The following JARID2 variants were observed in gnomAD, a reference collection of about 807,000 sequenced individuals.
JARID2 encodes protein Jumonji.
JARID2 carries 21 observed loss-of-function variants against 125.6 expected under a neutral mutation model. The observed-to-expected ratio is 0.17, with a 90% CI of 0.12 to 0.24. The LOEUF (loss-of-function observed/expected upper bound fraction) is 0.24, where lower values mean the gene tolerates loss of function less well. Among genes scored for constraint, JARID2 ranks in the 10% least tolerant of loss-of-function variants. JARID2 has a pLI of 1.00. For missense variants in JARID2, 1,303 were observed against 1,639.6 expected (o/e 0.79, Z 3.55); for synonymous variants, 736 against 661.6 (o/e 1.11, Z -1.73).
chr6:15,389,958 A>G (rs1764936121), intron 2 of JARID2, among the ~76,000 whole-genome samples: 1 of 152,180 alleles, frequency 6.6e-6, no homozygotes. Context: ...TTAACTGGAG[A>G]GACTTTTTTC....
intron 2 of JARID2, among the ~76,000 whole-genome samples, chr6:15,381,227 C>T (rs12665292): frequency 0.15 from 22,405 of 148,022 alleles, 1,722 homozygotes; most frequent in East Asian, 0.18. Context: ...GGCGTGGTGG[C>T]GGGTGCCTGT....
At chr6:15,333,629 GACA>G (rs1365176264) in intron 1 of JARID2, among the ~76,000 whole-genome samples, 8 of 152,172 alleles carry the variant, frequency 5.3e-5, no homozygotes, top group East Asian at 1.9e-4. Flanking sequence ...CGGTGGCACT[GACA>G]ACATTTGCAG....
chr6:15,448,262 C>T (rs890571641), intron 3 of JARID2, among the ~76,000 whole-genome samples: 1 of 152,086 alleles, frequency 6.6e-6, no homozygotes, highest in Admixed American at 6.5e-5. Flanking sequence ...TTTTCATAGC[C>T]TCACTGGGAA....
intron 4 of JARID2, among the ~76,000 whole-genome samples, chr6:15,457,682 G>A (rs1768250933): frequency 6.7e-6 from 1 of 149,640 alleles, no homozygotes; most frequent in African/African-American, 2.5e-5. Flanking sequence ...ATTTGGAAGA[G>A]AATAAATCGT....
At chr6:15,309,299 CTG>C (rs1453579747) in intron 1 of JARID2, among the ~76,000 whole-genome samples, 1 of 151,906 alleles carries the variant, frequency 6.6e-6, no homozygotes, top group African/African-American at 2.4e-5. Flanking sequence ...TATGTGGAGA[CTG>C]TGTTAGTGTC....
At chr6:15,501,801 G>A (rs1348615489) in intron 8 of JARID2, among the ~76,000 whole-genome samples, 4 of 152,136 alleles carry the variant, frequency 2.6e-5, no homozygotes, top group Admixed American at 6.5e-5. Flanking sequence ...ACTGGCTTGC[G>A]TGTGCGTGTT....
chr6:15,461,565 A>G (rs556300424), intron 4 of JARID2, among the ~76,000 whole-genome samples: 5 of 152,224 alleles, frequency 3.3e-5, no homozygotes, highest in Admixed American at 3.3e-4. Context: ...TTCATTTTGC[A>G]TTTTCATCCC....
At chr6:15,253,226 G>A (rs954925209) in intron 1 of JARID2, among the ~76,000 whole-genome samples, 1 of 151,952 alleles carries the variant, frequency 6.6e-6, no homozygotes, top group Non-Finnish European at 1.5e-5. Flanking sequence ...CACCACACCC[G>A]GCTCATTTTT....
At chr6:15,397,269 A>C (rs1012505564) in intron 2 of JARID2, among the ~76,000 whole-genome samples, 1 of 152,206 alleles carries the variant, frequency 6.6e-6, no homozygotes, top group African/African-American at 2.4e-5. Context: ...GATATGGTCA[A>C]TACTACGTAA....
chr6:15,434,022 C>T (rs1381333026), intron 3 of JARID2, among the ~76,000 whole-genome samples: 1 of 151,100 alleles, frequency 6.6e-6, no homozygotes, highest in African/African-American at 2.4e-5. Flanking sequence ...ACTTTACTTT[C>T]CCTGGTTTCA....
intron 5 of JARID2, among the ~76,000 whole-genome samples, chr6:15,473,736 T>G (rs1581615186): frequency 6.6e-6 from 1 of 152,334 alleles, no homozygotes; most frequent in East Asian, 1.9e-4. Flanking sequence ...AGCCACTACC[T>G]GGGATATAGG....
At chr6:15,446,683 T>C (rs1045527519) in intron 3 of JARID2, among the ~76,000 whole-genome samples, 7 of 152,180 alleles carry the variant, frequency 4.6e-5, no homozygotes, top group African/African-American at 7.2e-5. Flanking sequence ...CCGTAAATGG[T>C]CATTCATTTT....
intron 14 of JARID2, 138 bp from the exon 15 acceptor site, chr6:15,512,777 G>GT: frequency 1.1e-6 from 1 of 930,640 alleles, no homozygotes; most frequent in Non-Finnish European, 1.6e-6. Flanking sequence ...GGGAGGCAAA[G>GT]TTTTGAAGAG....
chr6:15,249,002 C>T (rs1023373165), intron 1 of JARID2: 1 of 969,726 alleles, frequency 1.0e-6, no homozygotes, highest in African/African-American at 1.8e-5. Context: ...AAAGGAGTGC[C>T]ACTGGACCCT....
chr6:15,361,619 C>CT (rs925433261), intron 1 of JARID2, among the ~76,000 whole-genome samples: 20 of 151,060 alleles, frequency 1.3e-4, no homozygotes, highest in African/African-American at 2.7e-4. Flanking sequence ...GCCATACCAC[C>CT]TTTTTTTTTG....
At chr6:15,493,399 G>A (rs772470985) in intron 6 of JARID2, among the ~76,000 whole-genome samples, 10 of 152,184 alleles carry the variant, frequency 6.6e-5, no homozygotes, top group Non-Finnish European at 1.5e-4. Context: ...GCAAGTAGTG[G>A]TGGCTGATGC....
chr6:15,426,071 G>C (rs759204326), intron 3 of JARID2, among the ~76,000 whole-genome samples: 4 of 152,160 alleles, frequency 2.6e-5, no homozygotes, highest in Admixed American at 1.3e-4. Flanking sequence ...TGGTAGCTGG[G>C]TGCAGTGCAG....
intron 1 of JARID2, among the ~76,000 whole-genome samples, chr6:15,249,139 C>T (rs1446470508): frequency 2.0e-5 from 3 of 152,222 alleles, no homozygotes; most frequent in African/African-American, 7.2e-5. Context: ...TGTGTCCCCT[C>T]TCCAGTGCTT....
intron 1 of JARID2, among the ~76,000 whole-genome samples, chr6:15,329,326 G>A (rs371059185): frequency 1.3e-5 from 2 of 152,048 alleles, no homozygotes; most frequent in African/African-American, 2.4e-5. Context: ...GTTGGGGAGG[G>A]ATGGGCCTGG....
Sources: allele counts gnomAD v4.1 joint callset (sites outside exome capture counted in the v4.1 genomes callset), GRCh38; gene constraint gnomAD v4.1.1; transcripts MANE v1.5; gene names NCBI Gene and HGNC (gene_info 2026-07-23, HGNC 2026-07-21).